The following SDK1 variants were observed in gnomAD, a reference collection of about 807,000 sequenced individuals.
SDK1 encodes the protein protein sidekick-1.
In SDK1, 157 loss-of-function variants were observed where a neutral mutation model predicts 245.5. The ratio of observed to expected loss-of-function variants is 0.64; its 90% CI spans 0.56 to 0.73. The LOEUF (loss-of-function observed/expected upper bound fraction) is 0.73. Among genes scored for constraint, SDK1 ranks in the 30% least tolerant of loss-of-function variants. The pLI, the probability that SDK1 is intolerant of heterozygous loss-of-function variation, is 0.00. For synonymous variants in SDK1, 1,647 were observed against 1,278.5 expected (o/e 1.29, Z -6.15); for missense variants, 3,583 against 3,002.3 (o/e 1.19, Z -4.52).
At chr7:4,217,225 G>A (rs1408122822) in intron 38 of SDK1, among the ~76,000 whole-genome samples, 2 of 90,020 alleles carry the variant, frequency 2.2e-5, no homozygotes, top group East Asian at 3.2e-4. Context: ...AGAGCACCAG[G>A]CCACCTGGAG....
At chr7:3,727,522 G>T (rs374185787) in intron 4 of SDK1, among the ~76,000 whole-genome samples, 1 of 152,042 alleles carries the variant, frequency 6.6e-6, no homozygotes, top group African/African-American at 2.4e-5. Context: ...ACGGAGCCTC[G>T]CTCTGTCACT....
At chr7:3,911,722 T>C (rs1779171061) in intron 5 of SDK1, among the ~76,000 whole-genome samples, 1 of 152,166 alleles carries the variant, frequency 6.6e-6, no homozygotes, top group South Asian at 2.1e-4. Flanking sequence ...ATTTTGTCTC[T>C]AGTTCTGTAT....
rs552790894 is a variant in SDK1 at position 3,795,969 on chromosome 7, G to A, written c.714-25481G>A. ...ATGCACACACAGACATCATGAGAGTGCTAAGAAATAGATTCATAATCTTTG... is the reference window on the plus strand; with the variant it reads ...ATGCACACACAGACATCATGAGAGTACTAAGAAATAGATTCATAATCTTTG... On this transcript the variant is annotated intron_variant, in intron 4 of 44. Transcript: ENST00000404826. Among the ~76,000 whole-genome samples the A allele has an allele frequency of 7.9e-5, 12 of 152,296 alleles. No individual in the cohort carries two copies. In the South Asian group the frequency reaches 2.5e-3, roughly 32 times the overall value.
At chr7:3,938,996 C>G (rs1405089904) in intron 5 of SDK1, among the ~76,000 whole-genome samples, 1 of 152,202 alleles carries the variant, frequency 6.6e-6, no homozygotes, top group African/African-American at 2.4e-5. Context: ...TATTTATCGT[C>G]TCTCGTCAGT....
At chr7:4,192,511 G>A (rs752986799) in intron 35 of SDK1, among the ~76,000 whole-genome samples, 10 of 152,084 alleles carry the variant, frequency 6.6e-5, no homozygotes, top group Non-Finnish European at 1.5e-4. Flanking sequence ...TCCTGAACTC[G>A]TGATCCACCC....
At chr7:3,623,152 C>A (rs1781997107) in intron 2 of SDK1, among the ~76,000 whole-genome samples, 2 of 151,854 alleles carry the variant, frequency 1.3e-5, no homozygotes, top group Admixed American at 1.3e-4. Context: ...AGAGCAAATA[C>A]TACACATTTA....
chr7:3,357,326 G>GTTTTTT (rs1780826215), intron 1 of SDK1, among the ~76,000 whole-genome samples: 1 of 50,102 alleles, frequency 2.0e-5, no homozygotes, highest in African/African-American at 6.4e-5. Context: ...CCTTCTTTTA[G>GTTTTTT]TGTTTTTTTT....
At chr7:4,188,242 G>A (rs560026992) in intron 35 of SDK1, among the ~76,000 whole-genome samples, 5 of 152,226 alleles carry the variant, frequency 3.3e-5, no homozygotes, top group African/African-American at 9.6e-5. Flanking sequence ...TACAGCCAAC[G>A]TCCTGAGGTG....
At chr7:4,020,380 C>T (rs1583849488) in intron 17 of SDK1, among the ~76,000 whole-genome samples, 1 of 152,276 alleles carries the variant, frequency 6.6e-6, no homozygotes, top group African/African-American at 2.4e-5. Flanking sequence ...ACCTCCCAGC[C>T]AGCCACGCTG....
chr7:3,926,041 T>C lies in SDK1; in HGVS notation c.848-24882T>C, dbSNP rs551245130. Among the ~76,000 whole-genome samples the C allele has an allele frequency of 5.9e-5, 9 of 152,266 alleles. 1 individual carries two copies. The South Asian group carries it at 1.7e-3, about 28-fold the overall frequency. On this transcript the variant is annotated intron_variant, in intron 5 of 44. Transcript: ENST00000404826. ...AGAGTGTGGCCTGTGAGGAGGATGTTGAGTGACTTCAGGGAAATCAGTGTC... is the reference window on the plus strand; with the variant it reads ...AGAGTGTGGCCTGTGAGGAGGATGTCGAGTGACTTCAGGGAAATCAGTGTC...
intron 5 of SDK1, among the ~76,000 whole-genome samples, chr7:3,922,304 A>G (rs1192681023): frequency 1.3e-5 from 2 of 152,106 alleles, no homozygotes; most frequent in Non-Finnish European, 1.5e-5. Context: ...GAGCCCACTT[A>G]CCCCAGCTAG....
At chr7:4,256,143 C>G (rs1385325067) in intron 44 of SDK1, among the ~76,000 whole-genome samples, 1 of 152,182 alleles carries the variant, frequency 6.6e-6, no homozygotes, top group Non-Finnish European at 1.5e-5. Flanking sequence ...TGGTCTCGAA[C>G]TCCTGACCTC....
chr7:4,046,514 A>T (rs1479788402), intron 17 of SDK1, among the ~76,000 whole-genome samples: 1 of 152,136 alleles, frequency 6.6e-6, no homozygotes. Context: ...ATTTTGTCTT[A>T]TTTTGTGAAT....
chr7:3,935,147 G>C (rs1583585918), intron 5 of SDK1, among the ~76,000 whole-genome samples: 1 of 152,188 alleles, frequency 6.6e-6, no homozygotes, highest in Admixed American at 6.5e-5. Context: ...TGGGCCTGTT[G>C]GTGAATGGTG....
At chr7:4,045,351 C>T (rs1293514778) in intron 17 of SDK1, among the ~76,000 whole-genome samples, 2 of 150,994 alleles carry the variant, frequency 1.3e-5, no homozygotes, top group African/African-American at 4.9e-5. Context: ...CTAGTGATCC[C>T]CCCATCTCAG....
chr7:3,463,334 T>C lies in SDK1; in HGVS notation c.299-155746T>C, dbSNP rs559488306. Among the ~76,000 whole-genome samples, 8 of 152,102 alleles carry C rather than the reference T, an allele frequency of 5.3e-5. 1 individual carries two copies. In the South Asian group the frequency reaches 1.0e-3, roughly 20 times the overall value. ...TGCTGAAAAATACTTGTCATATAGT[T>C]AGGACTCACATATTCATGAATGAAT... is the stretch of plus-strand genomic sequence containing the variant. On this transcript the variant is annotated intron_variant, in intron 1 of 44. Transcript: ENST00000404826.
intron 12 of SDK1, among the ~76,000 whole-genome samples, chr7:3,973,583 TC>T (rs774640920): frequency 6.6e-6 from 1 of 152,200 alleles, no homozygotes; most frequent in Non-Finnish European, 1.5e-5. Context: ...ATTTTTTTTT[TC>T]ATGAGTTGGG....
At chr7:3,729,093 C>T (rs1051634635) in intron 4 of SDK1, among the ~76,000 whole-genome samples, 2 of 152,168 alleles carry the variant, frequency 1.3e-5, no homozygotes, top group African/African-American at 2.4e-5. Flanking sequence ...TACTGGGCAA[C>T]ATTGTCCTTG....
At chr7:4,076,960 C>G (rs778603283) in intron 20 of SDK1, 38 bp from the exon 21 acceptor site, 1 of 1,583,630 alleles carries the variant, frequency 6.3e-7, no homozygotes, top group Non-Finnish European at 8.6e-7. Flanking sequence ...CCTTGGCCTT[C>G]AGGAGACCAA....
Sources: allele counts gnomAD v4.1 joint callset (sites outside exome capture counted in the v4.1 genomes callset), GRCh38; gene constraint gnomAD v4.1.1; transcripts MANE v1.5; gene names NCBI Gene and HGNC (gene_info 2026-07-23, HGNC 2026-07-21).